Variants in TAF11L11 observed in about 807,000 individuals in gnomAD.
The protein encoded by TAF11L11 is TATA-box-binding protein-associated factor 11-like protein 11.
chr5:17,604,920 G>A (rs552570253), exon 1 of TAF11L11: 4 of 392,084 alleles, frequency 1.0e-5, no homozygotes, highest in Admixed American at 4.5e-5. Context: ...AGTGAGCTCA[G>A]GAGTCAGGAT....
At chr5:17,605,852 T>C (rs1349469428), downstream of TAF11L11, among the ~76,000 whole-genome samples, 4 of 151,398 alleles carry the variant, frequency 2.6e-5, no homozygotes, top group African/African-American at 9.7e-5. Context: ...TTGTGAGTCA[T>C]CACAAAAGCA....
exon 1 of TAF11L11, chr5:17,605,011 G>C: frequency 2.5e-6 from 1 of 393,920 alleles, no homozygotes; most frequent in Non-Finnish European, 4.5e-6. Context: ...CAGATACCAA[G>C]GGGAAGAAGG....
chr5:17,605,796 T>A (rs1363404017), downstream of TAF11L11, among the ~76,000 whole-genome samples: 1 of 151,462 alleles, frequency 6.6e-6, no homozygotes, highest in Non-Finnish European at 1.5e-5. Flanking sequence ...CAGAAATGTT[T>A]CCCAATTGTT....
Position 17,605,177 on chromosome 5 carries a change from T to C in TAF11L11, c.397T>C (p.Ser133Pro), listed in dbSNP as rs767690514. The C allele has an allele frequency of 2.6e-4, 102 of 395,390 alleles. 7 individuals carry two copies. The highest frequency in any genetic ancestry group is 4.2e-4 in the Non-Finnish European group (95 of 223,980). The allele number at this position is 395,390 out of a possible 1,614,324, so 24.5% of individuals were successfully genotyped here. A position where few individuals can be genotyped will look rare whatever the true frequency, so the allele number is the denominator to read the frequency against. The change falls in exon 1 of 1, where the codon TCG (serine) becomes CCG (proline). Residue 133 changes from serine to proline, a missense_variant. Physicochemically the swap from Ser to Pro is moderately conservative, Grantham distance 74. Transcript: ENST00000510838. ...TCTGATGCAGTCCATCACTGGCAGA[T>C]CGGTGTCTGAGAACACCGCCATTGC...
Position 17,604,756 on chromosome 5 carries a change from C to T in TAF11L11, c.-25C>T. On this transcript the variant is annotated 5_prime_UTR_variant, in exon 1 of 1. Coordinates refer to ENST00000510838, the Ensembl canonical transcript of TAF11L11. ...GAACTTCTGCCTGTACAGCTGCTGTCACGGAGCAGACTGGAATCTCACCCA... is the reference window on the plus strand; with the variant it reads ...GAACTTCTGCCTGTACAGCTGCTGTTACGGAGCAGACTGGAATCTCACCCA... The T allele has an allele frequency of 5.2e-6, 2 of 381,654 alleles. 1 individual carries two copies. Among genetic ancestry groups the T allele is most frequent in the Non-Finnish European group, 9.3e-6 (2 of 215,186 alleles). 23.6% of individuals were successfully genotyped at this position (381,654 alleles called of 1,614,324 possible).
exon 1 of TAF11L11, chr5:17,604,580 G>A: frequency 3.4e-6 from 1 of 292,100 alleles, no homozygotes; most frequent in Admixed American, 5.2e-5. Context: ...TCACATTGTG[G>A]AAGTGAGAAC....
downstream of TAF11L11, among the ~76,000 whole-genome samples, chr5:17,605,705 T>C (rs377234399): frequency 6.6e-5 from 10 of 151,436 alleles, no homozygotes; most frequent in Admixed American, 4.6e-4. Flanking sequence ...CCCAGGAGAT[T>C]TGTATGGTTT....
chr5:17,605,685 G>C (rs1434743552), downstream of TAF11L11, among the ~76,000 whole-genome samples: 1 of 151,408 alleles, frequency 6.6e-6, no homozygotes, highest in Non-Finnish European at 1.5e-5. Context: ...ATTCAGAGAG[G>C]GAAGCCCTTC....
chr5:17,604,186 C>T (rs201610662), exon 1 of TAF11L11: 1 of 151,442 alleles, frequency 6.6e-6, no homozygotes, highest in Non-Finnish European at 1.5e-5. Flanking sequence ...TGTGATTACA[C>T]TCCCCTGTGG....
At chr5:17,604,444 G>C (rs1423251389) in exon 1 of TAF11L11, 1 of 168,486 alleles carries the variant, frequency 5.9e-6, no homozygotes, top group Admixed American at 6.4e-5. Flanking sequence ...CTCTGAGCAG[G>C]AGGCAGTCAC....
chr5:17,605,598 G>C (rs905707044), downstream of TAF11L11, among the ~76,000 whole-genome samples: 9 of 151,336 alleles, frequency 5.9e-5, no homozygotes, highest in Non-Finnish European at 1.0e-4. Flanking sequence ...ATGGTGTGTT[G>C]AGGTATTTTT....
exon 1 of TAF11L11, chr5:17,605,030 C>G: frequency 2.5e-6 from 1 of 394,258 alleles, no homozygotes; most frequent in East Asian, 3.6e-5. Flanking sequence ...GGAGAGGAAG[C>G]CCACCATGGA....
chr5:17,605,668 T>C (rs993530741), downstream of TAF11L11, among the ~76,000 whole-genome samples: 66 of 151,412 alleles, frequency 4.4e-4, 3 homozygotes, highest in Non-Finnish European at 7.7e-4. Context: ...TGTGGACAGG[T>C]AGCTGCATTC....
exon 1 of TAF11L11, chr5:17,604,992 G>A: frequency 5.1e-6 from 2 of 393,502 alleles, no homozygotes; most frequent in Non-Finnish European, 9.0e-6. Flanking sequence ...TCAGCTAAAA[G>A]GCAGAAAACA....
chr5:17,605,107 C>T lies in TAF11L11; in HGVS notation c.327C>T (p.Tyr109=), dbSNP rs1173591350. ...TGTCTGAGGAGCAGCTATCTCGCTA[C>T]GAAGTGTGTCGCCGGTCAGCTTTCC... The change falls in exon 1 of 1, where the codon TAC becomes TAT. Residue 109 remains tyrosine (Y), a synonymous_variant. Transcript: ENST00000510838. 2.0e-5 allele frequency: 8 copies of T among 394,828 alleles called. 1 individual carries two copies. The highest frequency in any genetic ancestry group is 4.5e-5 in the Admixed American group (1 of 22,460). 24.5% of individuals were successfully genotyped at this position (394,828 alleles called of 1,614,324 possible). A position where few individuals can be genotyped will look rare whatever the true frequency, so the allele number is the denominator to read the frequency against.
exon 1 of TAF11L11, chr5:17,605,336 G>A (rs1305915168): frequency 2.5e-6 from 1 of 394,068 alleles, no homozygotes; most frequent in South Asian, 1.3e-4. Context: ...AAAGCCCAAG[G>A]GCATCCTCCC....
At chr5:17,605,571 A>T (rs1739152812), downstream of TAF11L11, among the ~76,000 whole-genome samples, 1 of 151,294 alleles carries the variant, frequency 6.6e-6, no homozygotes. Flanking sequence ...GCCTTGGCTA[A>T]ATATTTGGAC....
chr5:17,605,085 CT>C, the TAF11L11 span: 51 of 394,616 alleles, frequency 1.3e-4, 1 homozygote, highest in African/African-American at 9.1e-4. Context: ...TCTGCCATGT[CT>C]GAGGAGCAGC....
chr5:17,605,141 C>G, exon 1 of TAF11L11: 1 of 395,508 alleles, frequency 2.5e-6, no homozygotes, highest in Non-Finnish European at 4.5e-6. Context: ...CCCAAAAGCA[C>G]GCATTGCAGC....
Sources: allele counts gnomAD v4.1 joint callset (sites outside exome capture counted in the v4.1 genomes callset), GRCh38; gene constraint gnomAD v4.1.1; transcripts MANE v1.5; gene names NCBI Gene and HGNC (gene_info 2026-07-23, HGNC 2026-07-21).